The following HLCS variants were observed in gnomAD, a reference collection of about 807,000 sequenced individuals.
HLCS encodes the protein holocarboxylase synthetase, also known as biotin--protein ligase.
Under a neutral mutation model 75.0 loss-of-function variants are expected in HLCS, and 53 were observed. The observed-to-expected ratio is 0.71, with a 90% CI of 0.57 to 0.89. The LOEUF is 0.89. HLCS is among the 40% of genes least tolerant of loss of function. HLCS has a pLI of 0.00. For synonymous variants in HLCS, 431 were observed against 428.6 expected, an observed-to-expected ratio of 1.01 and a Z score of -0.07; for missense variants, 966 against 1,074.0, an observed-to-expected ratio of 0.90 and a Z score of 1.41.
At chr21:36,917,137 G>A (rs2065967557) in intron 5 of HLCS, among the ~76,000 whole-genome samples, 1 of 152,078 alleles carries the variant, frequency 6.6e-6, no homozygotes, top group South Asian at 2.1e-4. Context: ...GAGAAATAAA[G>A]GATTTTCCCC....
intron 6 of HLCS, among the ~76,000 whole-genome samples, chr21:36,840,143 T>C (rs931073984): frequency 6.6e-6 from 1 of 152,222 alleles, no homozygotes; most frequent in Non-Finnish European, 1.5e-5. Context: ...ACTTTACTTA[T>C]CCTAGTAGAA....
chr21:36,860,102 T>C (rs2063332667), intron 6 of HLCS, among the ~76,000 whole-genome samples: 1 of 152,254 alleles, frequency 6.6e-6, no homozygotes, highest in Non-Finnish European at 1.5e-5. Context: ...CTATATATAG[T>C]ACATTTTGCA....
chr21:36,948,567 T>C (rs1250054934), intron 2 of HLCS, among the ~76,000 whole-genome samples: 4 of 150,314 alleles, frequency 2.7e-5, no homozygotes, highest in African/African-American at 9.9e-5. Flanking sequence ...CCATCTCTAC[T>C]AAAAACAAAA....
intron 6 of HLCS, among the ~76,000 whole-genome samples, chr21:36,819,371 C>T (rs1395293138): frequency 6.6e-6 from 1 of 152,216 alleles, no homozygotes; most frequent in Non-Finnish European, 1.5e-5. Context: ...TTCCACGCTT[C>T]ATAATGAACA....
intron 1 of HLCS, among the ~76,000 whole-genome samples, chr21:36,973,274 G>A (rs1465668799): frequency 6.9e-6 from 1 of 143,894 alleles, no homozygotes; most frequent in Non-Finnish European, 1.5e-5. Context: ...AATGAGAATA[G>A]GTATTTGTAA....
chr21:36,799,433 A>T (rs1233330789), intron 6 of HLCS, among the ~76,000 whole-genome samples: 2 of 152,336 alleles, frequency 1.3e-5, no homozygotes, highest in East Asian at 3.9e-4. Context: ...TAATTTTAAG[A>T]TGTCTCCTGG....
intron 1 of HLCS, among the ~76,000 whole-genome samples, chr21:36,977,509 G>C (rs1488150591): frequency 1.3e-5 from 2 of 152,224 alleles, no homozygotes. Flanking sequence ...TAAAGGGTTT[G>C]CACAGAGGCA....
intron 6 of HLCS, among the ~76,000 whole-genome samples, chr21:36,814,687 T>C (rs1284474143): frequency 6.6e-6 from 1 of 152,190 alleles, no homozygotes; most frequent in African/African-American, 2.4e-5. Context: ...TAGAATTCCA[T>C]GTGGTCCTTT....
At position 36,781,641 on chromosome 21, in the gene HLCS, G is replaced by C. The variant is rs571294881; in HGVS notation, c.1893-14356C>G. On this transcript the variant is annotated intron_variant, in intron 6 of 10. Coordinates refer to ENST00000674895, the MANE Select transcript of HLCS (RefSeq NM_001352514.2). ...GTTAGAGAATCACTGATTCTTTAAG[G>C]TTTCTCATTTCCTCTGCAAACAGAT... Among the ~76,000 whole-genome samples the C allele has an allele frequency of 5.9e-5, 9 of 152,076 alleles. No homozygotes were observed. In the South Asian group the frequency reaches 1.9e-3, roughly 32 times the overall value.
chr21:36,912,728 C>G (rs1304290469), intron 5 of HLCS, among the ~76,000 whole-genome samples: 3 of 152,084 alleles, frequency 2.0e-5, no homozygotes, highest in African/African-American at 7.2e-5. Context: ...TTTACTCTCA[C>G]AAAGCTCCCT....
chr21:36,802,473 C>T lies in HLCS; in HGVS notation c.1893-35188G>A, dbSNP rs1008709618. On this transcript the variant is annotated intron_variant, in intron 6 of 10. Coordinates refer to ENST00000674895, the MANE Select transcript of HLCS (RefSeq NM_001352514.2). ...TTGTACTTTACAGATGTTTACACGGCACTTTTCACTATGTCTTATTTATTC... is the reference window on the plus strand; with the variant it reads ...TTGTACTTTACAGATGTTTACACGGTACTTTTCACTATGTCTTATTTATTC... Among the ~76,000 whole-genome samples the T allele has an allele frequency of 1.3e-5, 2 of 152,232 alleles. 1 individual carries two copies. The highest frequency in any genetic ancestry group is 4.8e-5 in the African/African-American group (2 of 41,460).
At chr21:36,906,287 G>T (rs1477417272) in intron 5 of HLCS, among the ~76,000 whole-genome samples, 1 of 152,150 alleles carries the variant, frequency 6.6e-6, no homozygotes, top group Non-Finnish European at 1.5e-5. Context: ...CAGCACTTTG[G>T]AAGGCTGAGT....
intron 6 of HLCS, among the ~76,000 whole-genome samples, chr21:36,837,499 C>G (rs1426778594): frequency 6.6e-6 from 1 of 152,178 alleles, no homozygotes; most frequent in African/African-American, 2.4e-5. Flanking sequence ...ATGAAAGTGT[C>G]TGAATTATAA....
intron 5 of HLCS, among the ~76,000 whole-genome samples, chr21:36,905,776 G>T (rs2065422989): frequency 6.6e-6 from 1 of 152,148 alleles, no homozygotes; most frequent in Non-Finnish European, 1.5e-5. Context: ...AATTGGCTGG[G>T]CACAGTGGCT....
At chr21:36,988,830 C>A (rs190335196) in intron 1 of HLCS, among the ~76,000 whole-genome samples, 1 of 152,066 alleles carries the variant, frequency 6.6e-6, no homozygotes, top group Non-Finnish European at 1.5e-5. Flanking sequence ...AGTTTTATGT[C>A]ATTTTTGTGC....
chr21:36,773,956 T>A (rs1410067874), intron 6 of HLCS, among the ~76,000 whole-genome samples: 2 of 152,244 alleles, frequency 1.3e-5, no homozygotes, highest in Non-Finnish European at 2.9e-5. Context: ...TATCAAGATA[T>A]TTCATTTTTG....
At chr21:36,764,030 C>G (rs2089946263) in intron 8 of HLCS, among the ~76,000 whole-genome samples, 2 of 152,206 alleles carry the variant, frequency 1.3e-5, no homozygotes, top group Non-Finnish European at 2.9e-5. Context: ...CCAAATAACC[C>G]TTTTCAACAG....
intron 2 of HLCS, among the ~76,000 whole-genome samples, chr21:36,946,674 T>A (rs1444359663): frequency 6.6e-6 from 1 of 151,988 alleles, no homozygotes; most frequent in Non-Finnish European, 1.5e-5. Flanking sequence ...GGGAAAAGAA[T>A]AAACGCAGGC....
At chr21:36,975,199 TG>T (rs1385063714) in intron 1 of HLCS, 1 of 152,188 alleles carries the variant, frequency 6.6e-6, no homozygotes, top group Non-Finnish European at 1.5e-5. Context: ...CTCTTATCTC[TG>T]TTCATGACTT....
Sources: gnomAD v4.1 joint callset for allele counts (sites outside exome capture counted in the v4.1 genomes callset) on GRCh38, gnomAD v4.1.1 for gene constraint, MANE v1.5 for transcripts, NCBI Gene and HGNC (gene_info 2026-07-23, HGNC 2026-07-21) for gene names.